The following PLCL1 variants were observed in gnomAD, a reference collection of about 807,000 sequenced individuals.
PLCL1 encodes the protein phospholipase C like 1 (inactive).
Under a neutral mutation model 84.4 loss-of-function variants are expected in PLCL1, and 41 were observed. The ratio of observed to expected loss-of-function variants is 0.49; its 90% CI spans 0.38 to 0.63. The LOEUF (loss-of-function observed/expected upper bound fraction) is 0.63, where lower values mean the gene tolerates loss of function less well. Among genes scored for constraint, PLCL1 ranks in the 30% least tolerant of loss-of-function variants. PLCL1 has a pLI of 0.00. For missense variants in PLCL1, 1,206 were observed against 1,367.8 expected (o/e 0.88, Z 1.87); for synonymous variants, 490 against 488.3 (o/e 1.00, Z -0.05).
chr2:197,906,421 A>G (rs1319203223), intron 1 of PLCL1, among the ~76,000 whole-genome samples: 1 of 151,066 alleles, frequency 6.6e-6, no homozygotes, highest in Non-Finnish European at 1.5e-5. Context: ...ATTGGTCTAT[A>G]TCTCTGTTTT....
At chr2:197,992,232 A>G (rs1690360102) in intron 1 of PLCL1, among the ~76,000 whole-genome samples, 1 of 152,092 alleles carries the variant, frequency 6.6e-6, no homozygotes. Context: ...GGCAAAATAT[A>G]TATATTACAA....
intron 1 of PLCL1, among the ~76,000 whole-genome samples, chr2:198,032,003 C>T (rs1431055052): frequency 1.3e-5 from 2 of 151,962 alleles, no homozygotes; most frequent in Non-Finnish European, 2.9e-5. Flanking sequence ...AATAAATCCA[C>T]AATAAATTCA....
chr2:198,084,314 A>C lies in PLCL1; in HGVS notation c.797A>C (p.Glu266Ala). ...NGIMLEDTSV[E>A]LIKQLNPTLK... ...ATTATGTTGGAAGACACCTCTGTAG[A>C]GTTAATAAAACAACTCAACCCTACT... is the stretch of plus-strand genomic sequence containing the variant. The change falls in exon 2 of 6, where the codon GAG becomes GCG. Residue 266 changes from glutamate to alanine, a missense_variant. Transcript: ENST00000428675. The C allele has an allele frequency of 6.2e-7, 1 of 1,614,032 alleles. No homozygotes were observed. The highest frequency in any genetic ancestry group is 1.3e-5 in the African/African-American group (1 of 75,056).
At chr2:197,864,786 T>TA (rs1472807720) in intron 1 of PLCL1, among the ~76,000 whole-genome samples, 2 of 152,146 alleles carry the variant, frequency 1.3e-5, no homozygotes, top group African/African-American at 4.8e-5. Context: ...TTTACTCTTT[T>TA]AAAAAAATCT....
intron 1 of PLCL1, among the ~76,000 whole-genome samples, chr2:197,955,182 GTCTTT>G (rs1214118078): frequency 1.3e-5 from 2 of 151,904 alleles, no homozygotes; most frequent in Non-Finnish European, 1.5e-5. Context: ...CTGGCTCTCA[GTCTTT>G]TCTTAATACA....
intron 1 of PLCL1, among the ~76,000 whole-genome samples, chr2:198,067,723 G>A (rs1692354448): frequency 6.6e-6 from 1 of 152,180 alleles, no homozygotes; most frequent in African/African-American, 2.4e-5. Context: ...TTGGCATGTT[G>A]TTCAGTCTCC....
intron 5 of PLCL1, among the ~76,000 whole-genome samples, chr2:198,142,159 T>C (rs560421915): frequency 1.1e-4 from 17 of 152,262 alleles, no homozygotes; most frequent in African/African-American, 3.9e-4. Context: ...TGCATTTTTT[T>C]GGTAAAAATG....
At chr2:198,000,380 T>G (rs144751990) in intron 1 of PLCL1, among the ~76,000 whole-genome samples, 50 of 152,310 alleles carry the variant, frequency 3.3e-4, no homozygotes, top group Admixed American at 9.8e-4. Context: ...CAAATGATCT[T>G]GCCACCCAGG....
At position 197,942,212 on chromosome 2, in the gene PLCL1, A is replaced by G. The variant is rs141910935; in HGVS notation, c.240+136873A>G. On this transcript the variant is annotated intron_variant, in intron 1 of 5. Transcript: ENST00000428675. ...CACAGGAAAGGGCTCCCTGGTCACAAAGCAAACCCCTCCACTTTTGCTTTT... is the reference window on the plus strand; with the variant it reads ...CACAGGAAAGGGCTCCCTGGTCACAGAGCAAACCCCTCCACTTTTGCTTTT... Among the ~76,000 whole-genome samples, 12 of 152,312 alleles carry G rather than the reference A, an allele frequency of 7.9e-5. No individual in the cohort carries two copies. The East Asian group carries it at 2.3e-3, about 29-fold the overall frequency.
At chr2:197,989,391 T>A (rs1690290525) in intron 1 of PLCL1, among the ~76,000 whole-genome samples, 1 of 152,130 alleles carries the variant, frequency 6.6e-6, no homozygotes, top group Admixed American at 6.5e-5. Context: ...TAGCTTGACT[T>A]TCTGAGGGAT....
chr2:197,882,423 C>T (rs1478513732), intron 1 of PLCL1, among the ~76,000 whole-genome samples: 1 of 152,180 alleles, frequency 6.6e-6, no homozygotes, highest in African/African-American at 2.4e-5. Context: ...GGACTTGACA[C>T]TTGATGCTTC....
intron 5 of PLCL1, among the ~76,000 whole-genome samples, chr2:198,134,077 T>C (rs747129361): frequency 6.6e-6 from 1 of 151,938 alleles, no homozygotes; most frequent in African/African-American, 2.4e-5. Context: ...ATCTGAAAAA[T>C]TGGGAAATAT....
chr2:198,031,659 C>CTTT (rs5837577), intron 1 of PLCL1, among the ~76,000 whole-genome samples: 1 of 103,820 alleles, frequency 9.6e-6, no homozygotes, highest in East Asian at 2.8e-4. Flanking sequence ...ATGGCCAGTG[C>CTTT]TTTTTTTTTT....
chr2:197,884,994 G>T (rs957528227), intron 1 of PLCL1, among the ~76,000 whole-genome samples: 2 of 152,094 alleles, frequency 1.3e-5, no homozygotes, highest in South Asian at 2.1e-4. Flanking sequence ...GCCTGACGTG[G>T]TTTGGCTCCT....
At chr2:197,924,454 A>T (rs1188916280) in intron 1 of PLCL1, among the ~76,000 whole-genome samples, 1 of 152,102 alleles carries the variant, frequency 6.6e-6, no homozygotes, top group Admixed American at 6.6e-5. Flanking sequence ...AGTTGTGGTA[A>T]ATCTTAGTAA....
At chr2:198,123,050 T>C (rs1196361058) in intron 5 of PLCL1, among the ~76,000 whole-genome samples, 1 of 152,108 alleles carries the variant, frequency 6.6e-6, no homozygotes, top group Non-Finnish European at 1.5e-5. Flanking sequence ...ACCTGGTCCA[T>C]AGCTGTTTCA....
intron 5 of PLCL1, among the ~76,000 whole-genome samples, chr2:198,108,189 G>T (rs1693534935): frequency 6.6e-6 from 1 of 151,818 alleles, no homozygotes; most frequent in Non-Finnish European, 1.5e-5. Context: ...TATAAGTTTA[G>T]TAGATTCAAT....
At chr2:197,927,636 G>T (rs1366226127) in intron 1 of PLCL1, among the ~76,000 whole-genome samples, 1 of 152,146 alleles carries the variant, frequency 6.6e-6, no homozygotes, top group Non-Finnish European at 1.5e-5. Context: ...TGGAGAAATG[G>T]CTATGCTGGT....
chr2:198,096,195 G>A (rs1442608519), intron 3 of PLCL1, among the ~76,000 whole-genome samples: 1 of 152,136 alleles, frequency 6.6e-6, no homozygotes, highest in East Asian at 1.9e-4. Flanking sequence ...GTAGTCACAC[G>A]CAGTGTTCAG....
Sources: gnomAD v4.1 joint callset for allele counts (sites outside exome capture counted in the v4.1 genomes callset) on GRCh38, gnomAD v4.1.1 for gene constraint, MANE v1.5 for transcripts, NCBI Gene and HGNC (gene_info 2026-07-23, HGNC 2026-07-21) for gene names.